Variants in PITPNC1 observed in about 807,000 individuals in gnomAD.
PITPNC1 encodes cytoplasmic phosphatidylinositol transfer protein 1.
In PITPNC1, 18 loss-of-function variants were observed where a neutral mutation model predicts 44.7. That is an observed-to-expected ratio of 0.40 (90% CI 0.28 to 0.60). PITPNC1 has a LOEUF of 0.60. PITPNC1 is among the 20% of genes least tolerant of loss of function. The pLI is 0.39. For missense variants in PITPNC1, 290 were observed against 418.4 expected, an observed-to-expected ratio of 0.69 and a Z score of 2.68; for synonymous variants, 141 against 149.6, an observed-to-expected ratio of 0.94 and a Z score of 0.42.
At chr17:67,445,187 G>A (rs1379566965) in intron 1 of PITPNC1, among the ~76,000 whole-genome samples, 1 of 151,974 alleles carries the variant, frequency 6.6e-6, no homozygotes, top group Non-Finnish European at 1.5e-5. Context: ...TCAGTGTTTT[G>A]CCCTGTGATA....
Position 67,692,665 on chromosome 17 carries a change from C to T in PITPNC1, c.776C>T (p.Ser259Phe), listed in dbSNP as rs879716583. Reference protein sequence around the residue: ...IGIFPPAISISSIPLLPSSVR... With the variant: ...IGIFPPAISIFSIPLLPSSVR... Reference sequence around the variant, plus strand: ...ATTTTCCCACCTGCAATTTCTATCTCCAGCATCCCCCTGCTGCCTTCTTCC... The same window carrying T: ...ATTTTCCCACCTGCAATTTCTATCTTCAGCATCCCCCTGCTGCCTTCTTCC... The change falls in exon 9 of 9, where the codon TCC becomes TTC. Residue 259 changes from serine to phenylalanine, a missense_variant. By Grantham distance (155) the Ser-to-Phe change is radical. Coordinates refer to ENST00000581322, the MANE Select transcript of PITPNC1 (RefSeq NM_012417.4). 23 of 1,613,540 alleles carry T rather than the reference C, an allele frequency of 1.4e-5. No homozygotes were observed. The highest frequency in any genetic ancestry group is 1.8e-5 in the Non-Finnish European group (21 of 1,179,580).
At chr17:67,616,640 C>A (rs2041760985) in intron 5 of PITPNC1, among the ~76,000 whole-genome samples, 1 of 152,126 alleles carries the variant, frequency 6.6e-6, no homozygotes, top group African/African-American at 2.4e-5. Flanking sequence ...TGGTTCTCAA[C>A]CCTTTTGTTG....
intron 1 of PITPNC1, among the ~76,000 whole-genome samples, chr17:67,393,358 A>G (rs2143804726): frequency 6.6e-6 from 1 of 150,666 alleles, no homozygotes; most frequent in African/African-American, 2.4e-5. Context: ...GGCAACCACC[A>G]TCCTACTTTC....
At chr17:67,509,571 T>A (rs906128732) in intron 1 of PITPNC1, among the ~76,000 whole-genome samples, 1 of 146,286 alleles carries the variant, frequency 6.8e-6, no homozygotes, top group African/African-American at 2.5e-5. Context: ...AATAAATAAA[T>A]AAATAAATAA....
intron 2 of PITPNC1, 108 bp from the exon 3 acceptor site, chr17:67,552,149 A>T (rs919305945): frequency 1.4e-6 from 1 of 698,638 alleles, no homozygotes; most frequent in East Asian, 2.5e-5. Context: ...GAGAAAAGAG[A>T]TGCCCCAGAA....
intron 7 of PITPNC1, among the ~76,000 whole-genome samples, chr17:67,673,578 T>TC (rs1035447820): frequency 2.0e-5 from 3 of 152,196 alleles, no homozygotes; most frequent in African/African-American, 7.2e-5. Flanking sequence ...ACGGCCTTTT[T>TC]CCCCCTCTTC....
At chr17:67,463,334 G>C (rs953425449) in intron 1 of PITPNC1, among the ~76,000 whole-genome samples, 2 of 152,074 alleles carry the variant, frequency 1.3e-5, no homozygotes, top group African/African-American at 2.4e-5. Flanking sequence ...GTGCATTATT[G>C]ATTAATCACT....
At chr17:67,528,379 T>G (rs2040417630) in intron 1 of PITPNC1, among the ~76,000 whole-genome samples, 1 of 152,234 alleles carries the variant, frequency 6.6e-6, no homozygotes, top group African/African-American at 2.4e-5. Flanking sequence ...AAAAGAAATA[T>G]AAAGCACTTA....
At chr17:67,503,088 G>A (rs1158402427) in intron 1 of PITPNC1, among the ~76,000 whole-genome samples, 6 of 152,072 alleles carry the variant, frequency 3.9e-5, no homozygotes, top group African/African-American at 1.2e-4. Flanking sequence ...GAGCCACCTC[G>A]CCCAGGCTCT....
At chr17:67,601,827 G>A (rs2041544368) in intron 5 of PITPNC1, among the ~76,000 whole-genome samples, 1 of 152,008 alleles carries the variant, frequency 6.6e-6, no homozygotes, top group African/African-American at 2.4e-5. Flanking sequence ...AATGGTCTTC[G>A]TGAACCTCTG....
intron 1 of PITPNC1, among the ~76,000 whole-genome samples, chr17:67,481,195 G>A (rs371058874): frequency 6.6e-6 from 1 of 152,230 alleles, no homozygotes; most frequent in Non-Finnish European, 1.5e-5. Flanking sequence ...GCGACAGAGC[G>A]AGACCTGGCC....
chr17:67,409,648 C>T (rs1195686289), intron 1 of PITPNC1, among the ~76,000 whole-genome samples: 2 of 151,970 alleles, frequency 1.3e-5, no homozygotes, highest in Non-Finnish European at 2.9e-5. Context: ...AAGCGATTCT[C>T]CTGTGTCAGC....
intron 1 of PITPNC1, among the ~76,000 whole-genome samples, chr17:67,466,186 AGATGGTGGGGTGG>A: frequency 1.0e-4 from 1 of 9,816 alleles, no homozygotes; most frequent in East Asian, 2.9e-3. Flanking sequence ...GTTTCTGTAG[AGATGGTGGGGTGG>A]GGGGGTGGGG....
chr17:67,546,115 C>G (rs1011381472), intron 2 of PITPNC1, among the ~76,000 whole-genome samples: 4 of 151,702 alleles, frequency 2.6e-5, no homozygotes, highest in Non-Finnish European at 4.4e-5. Context: ...ATCACTTGAA[C>G]CTGGGAGGTG....
chr17:67,631,916 C>T, intron 5 of PITPNC1, among the ~76,000 whole-genome samples: 1 of 150,462 alleles, frequency 6.6e-6, no homozygotes, highest in Non-Finnish European at 1.5e-5. Flanking sequence ...TTTTCTTCTA[C>T]CTCTCACCAA....
intron 1 of PITPNC1, among the ~76,000 whole-genome samples, chr17:67,529,038 T>A (rs898730147): frequency 6.6e-6 from 1 of 152,066 alleles, no homozygotes; most frequent in East Asian, 1.9e-4. Flanking sequence ...TGGGCTCGAG[T>A]GTCCCGCCAC....
chr17:67,409,009 G>C (rs1473938096), intron 1 of PITPNC1: 2 of 151,112 alleles, frequency 1.3e-5, no homozygotes, highest in Admixed American at 1.3e-4. Context: ...CTTACATTTA[G>C]GTCTTTGGTC....
chr17:67,569,439 A>G (rs2144209831), intron 4 of PITPNC1, among the ~76,000 whole-genome samples: 1 of 152,214 alleles, frequency 6.6e-6, no homozygotes, highest in South Asian at 2.1e-4. Context: ...CTTCTTCCCC[A>G]CTGCAGATCC....
At chr17:67,570,040 C>T (rs1274686712) in intron 4 of PITPNC1, among the ~76,000 whole-genome samples, 1 of 152,206 alleles carries the variant, frequency 6.6e-6, no homozygotes, top group Middle Eastern at 3.4e-3. Flanking sequence ...TTTTTGCCTC[C>T]CCCTCTGCCT....
Sources: gnomAD v4.1 joint callset for allele counts (sites outside exome capture counted in the v4.1 genomes callset) on GRCh38, gnomAD v4.1.1 for gene constraint, MANE v1.5 for transcripts, NCBI Gene and HGNC (gene_info 2026-07-23, HGNC 2026-07-21) for gene names.